Variants in SIL1 observed in about 807,000 individuals in gnomAD.
The protein encoded by SIL1 is nucleotide exchange factor SIL1.
A neutral mutation model predicts 49.1 loss-of-function variants in SIL1; 40 were observed. That is an observed-to-expected ratio of 0.81 (90% confidence interval 0.63 to 1.06). SIL1 has a LOEUF of 1.06. Among genes scored for constraint, SIL1 ranks in the 50% least tolerant of loss-of-function variants. The pLI is 0.00. For synonymous variants in SIL1, 253 were observed against 250.8 expected, an observed-to-expected ratio of 1.01 and a Z score of -0.08; for missense variants, 500 against 572.6, an observed-to-expected ratio of 0.87 and a Z score of 1.29.
intron 5 of SIL1, chr5:139,035,471 A>G (rs1768883110): frequency 1.9e-6 from 1 of 538,636 alleles, no homozygotes; most frequent in Non-Finnish European, 3.7e-6. Flanking sequence ...GTTTCACTGT[A>G]ATCCTCAGAC....
At chr5:139,045,052 C>T (rs182860837) in intron 4 of SIL1, among the ~76,000 whole-genome samples, 1 of 152,278 alleles carries the variant, frequency 6.6e-6, no homozygotes, top group East Asian at 1.9e-4. Flanking sequence ...GCACAGTTGA[C>T]CCTCCCTTCT....
intron 3 of SIL1, among the ~76,000 whole-genome samples, chr5:139,091,955 G>GT (rs1465339923): frequency 2.6e-5 from 4 of 152,230 alleles, no homozygotes. Context: ...GGAAATGGGA[G>GT]TAAGTGGACT....
intron 7 of SIL1, among the ~76,000 whole-genome samples, chr5:138,986,012 C>A (rs1357642577): frequency 1.3e-5 from 2 of 152,216 alleles, no homozygotes; most frequent in Non-Finnish European, 2.9e-5. Flanking sequence ...GCTAGTCCAC[C>A]TACAGCGCCA....
chr5:139,069,288 TA>T (rs1396716889), intron 3 of SIL1, among the ~76,000 whole-genome samples: 3 of 149,694 alleles, frequency 2.0e-5, no homozygotes, highest in Non-Finnish European at 3.0e-5. Context: ...ATTCTGCCTC[TA>T]AAAAAAAATT....
chr5:139,013,173 A>G (rs1768322842), intron 7 of SIL1, among the ~76,000 whole-genome samples: 1 of 152,042 alleles, frequency 6.6e-6, no homozygotes, highest in South Asian at 2.1e-4. Flanking sequence ...TGTCCCCAAT[A>G]TTTCCCTTAA....
chr5:139,120,951 T>TGAAGGAGCAGCCC, intron 3 of SIL1, 84 bp downstream of exon 3: 9 of 1,559,896 alleles, frequency 5.8e-6, no homozygotes, highest in Admixed American at 1.7e-5. Flanking sequence ...AAGAGCAGCC[T>TGAAGGAGCAGCCC]GAAGGAGCAG....
At chr5:139,192,988 A>C in intron 1 of SIL1, among the ~76,000 whole-genome samples, 1 of 141,002 alleles carries the variant, frequency 7.1e-6, no homozygotes, top group Non-Finnish European at 1.5e-5. Context: ...CAAGAGCGAA[A>C]CTCAGTCTCA....
chr5:139,014,772 T>C (rs536329500), intron 7 of SIL1, among the ~76,000 whole-genome samples: 95 of 152,340 alleles, frequency 6.2e-4, no homozygotes, highest in African/African-American at 2.1e-3. Flanking sequence ...TCGGTTAATA[T>C]GCTAATCAGT....
At chr5:139,034,611 A>G (rs962715800) in intron 5 of SIL1, among the ~76,000 whole-genome samples, 2 of 152,164 alleles carry the variant, frequency 1.3e-5, no homozygotes, top group Admixed American at 1.3e-4. Context: ...CTTACCTCCA[A>G]TTATGTTTAA....
intron 7 of SIL1, among the ~76,000 whole-genome samples, chr5:138,959,909 C>T (rs1766982195): frequency 6.6e-6 from 1 of 152,260 alleles, no homozygotes; most frequent in African/African-American, 2.4e-5. Flanking sequence ...AAAGGCTGCT[C>T]ACATGATCTT....
intron 1 of SIL1, among the ~76,000 whole-genome samples, chr5:139,147,504 C>T (rs1430142523): frequency 2.0e-5 from 3 of 152,204 alleles, no homozygotes; most frequent in Non-Finnish European, 4.4e-5. Flanking sequence ...ATGGCCTCAT[C>T]CCAACCCTGA....
intron 1 of SIL1, among the ~76,000 whole-genome samples, chr5:139,165,834 TA>T (rs1751607350): frequency 6.6e-6 from 1 of 151,566 alleles, no homozygotes; most frequent in South Asian, 2.1e-4. Flanking sequence ...AATTTTTTTT[TA>T]TTATTTTTTA....
In SIL1 at chr5:139,192,851, G is replaced by T. The variant is rs1752198472; in HGVS notation, c.-11+5418C>A. 5.9e-5 allele frequency among the ~76,000 whole-genome samples: 9 copies of T among 151,582 alleles called. No homozygotes were observed. In the South Asian group the frequency reaches 1.9e-3, roughly 32 times the overall value. ...TCTCTACCAAAAAAAAAAAAAATTAGCCAGATGTGGTGGCACATGCCTGTA... is the reference window on the plus strand; with the variant it reads ...TCTCTACCAAAAAAAAAAAAAATTATCCAGATGTGGTGGCACATGCCTGTA... On this transcript the variant is annotated intron_variant, in intron 1 of 9. Transcript: ENST00000394817.
At chr5:139,170,822 T>TG (rs1267320383) in intron 1 of SIL1, among the ~76,000 whole-genome samples, 9 of 118,704 alleles carry the variant, frequency 7.6e-5, no homozygotes, top group African/African-American at 2.3e-4. Flanking sequence ...GGGAGGGAGG[T>TG]GGGGGGGTCA....
chr5:139,040,777 G>A (rs963113351), intron 5 of SIL1, among the ~76,000 whole-genome samples: 4 of 152,180 alleles, frequency 2.6e-5, no homozygotes, highest in East Asian at 1.9e-4. Context: ...GCACCCAGCC[G>A]AGAGGAGTAT....
At chr5:139,042,422 C>G (rs560005318) in intron 5 of SIL1, among the ~76,000 whole-genome samples, 198 bp downstream of exon 5, 1 of 152,184 alleles carries the variant, frequency 6.6e-6, no homozygotes, top group African/African-American at 2.4e-5. Context: ...TAACCTAAAC[C>G]ATGACAGAAA....
chr5:139,143,284 T>C (rs1306211585), intron 1 of SIL1, among the ~76,000 whole-genome samples: 1 of 146,468 alleles, frequency 6.8e-6, no homozygotes, highest in African/African-American at 2.5e-5. Context: ...CATATGTATA[T>C]ACACATGTGT....
chr5:139,037,144 A>G (rs1768935648), intron 5 of SIL1, among the ~76,000 whole-genome samples: 2 of 148,794 alleles, frequency 1.3e-5, no homozygotes, highest in African/African-American at 2.6e-5. Flanking sequence ...TCCCCCAGCA[A>G]TTGAAAAATA....
intron 3 of SIL1, among the ~76,000 whole-genome samples, chr5:139,063,407 A>C (rs1769638260): frequency 6.6e-6 from 1 of 152,170 alleles, no homozygotes; most frequent in South Asian, 2.1e-4. Flanking sequence ...TGGGCATCTC[A>C]CACCTGTTTC....
Sources: allele counts gnomAD v4.1 joint callset (sites outside exome capture counted in the v4.1 genomes callset), GRCh38; gene constraint gnomAD v4.1.1; transcripts MANE v1.5; gene names NCBI Gene and HGNC (gene_info 2026-07-23, HGNC 2026-07-21).